The following NELL2 variants were observed in gnomAD, a reference collection of about 807,000 sequenced individuals.
The protein encoded by NELL2 is neural EGFL like 2.
NELL2 carries 41 observed loss-of-function variants against 109.6 expected under a neutral mutation model. The observed-to-expected ratio is 0.37, with a 90% CI of 0.29 to 0.49. The LOEUF (loss-of-function observed/expected upper bound fraction) is 0.49, where lower values mean the gene tolerates loss of function less well. NELL2 is among the 20% of genes least tolerant of loss of function. NELL2 has a pLI of 0.98. For synonymous variants in NELL2, 355 were observed against 344.7 expected, an observed-to-expected ratio of 1.03 and a Z score of -0.33; for missense variants, 900 against 1,008.3, an observed-to-expected ratio of 0.89 and a Z score of 1.45.
chr12:44,587,308 T>TG (rs1491354933), intron 15 of NELL2, among the ~76,000 whole-genome samples: 21 of 68,194 alleles, frequency 3.1e-4, no homozygotes, highest in Non-Finnish European at 5.2e-4. Context: ...TATATATATA[T>TG]TTTTTTTTAA....
chr12:44,610,402 A>G (rs1181542340), intron 14 of NELL2, among the ~76,000 whole-genome samples: 2 of 152,062 alleles, frequency 1.3e-5, no homozygotes, highest in African/African-American at 4.8e-5. Context: ...GGAGAGTGCT[A>G]AACTGGATGA....
intron 7 of NELL2, 102 bp from the exon 8 acceptor site, chr12:44,776,252 T>C: frequency 8.4e-7 from 1 of 1,194,776 alleles, no homozygotes; most frequent in Non-Finnish European, 1.2e-6. Flanking sequence ...GTAGCAATGA[T>C]GATGGCTGTG....
chr12:44,803,451 G>A (rs1566432189), intron 3 of NELL2, among the ~76,000 whole-genome samples: 3 of 152,092 alleles, frequency 2.0e-5, no homozygotes, highest in South Asian at 4.1e-4. Context: ...TAAAGGTGAT[G>A]AAGTGTCTTG....
At chr12:44,665,429 T>A (rs1390229821) in intron 13 of NELL2, 55 bp downstream of exon 13, 2 of 1,491,876 alleles carry the variant, frequency 1.3e-6, no homozygotes, top group Non-Finnish European at 1.8e-6. Flanking sequence ...AAGAAATTTT[T>A]AAAAGTAAAC....
intron 3 of NELL2, among the ~76,000 whole-genome samples, chr12:44,810,595 T>G (rs1478108016): frequency 6.6e-6 from 1 of 152,262 alleles, no homozygotes; most frequent in South Asian, 2.1e-4. Context: ...GAATAATTAC[T>G]CATACCATGG....
chr12:44,787,459 AT>A (rs1942221062), intron 3 of NELL2, among the ~76,000 whole-genome samples: 1 of 152,180 alleles, frequency 6.6e-6, no homozygotes, highest in African/African-American at 2.4e-5. Context: ...TTACATTAAA[AT>A]TTATATGGAA....
intron 12 of NELL2, among the ~76,000 whole-genome samples, chr12:44,700,165 T>G (rs1949184618): frequency 6.6e-6 from 1 of 152,132 alleles, no homozygotes; most frequent in Non-Finnish European, 1.5e-5. Flanking sequence ...TCTCTCCTCA[T>G]CATCTACTAC....
chr12:44,777,618 C>T (rs1266927850), intron 5 of NELL2, among the ~76,000 whole-genome samples: 2 of 152,200 alleles, frequency 1.3e-5, no homozygotes, highest in South Asian at 2.1e-4. Flanking sequence ...TAGCCACTGA[C>T]GGGCTTGAAA....
chr12:44,887,086 C>T (rs562357174), intron 1 of NELL2, among the ~76,000 whole-genome samples: 1 of 152,042 alleles, frequency 6.6e-6, no homozygotes, highest in Non-Finnish European at 1.5e-5. Flanking sequence ...CATGGGAGTG[C>T]GTATGCCTTT....
At chr12:44,837,354 T>C (rs761402695) in intron 2 of NELL2, among the ~76,000 whole-genome samples, 1 of 152,202 alleles carries the variant, frequency 6.6e-6, no homozygotes, top group Non-Finnish European at 1.5e-5. Context: ...GGGAACCTCA[T>C]CCCTAATCGT....
intron 13 of NELL2, 53 bp downstream of exon 13, chr12:44,665,431 A>G: frequency 6.7e-7 from 1 of 1,496,426 alleles, no homozygotes; most frequent in Non-Finnish European, 9.0e-7. Flanking sequence ...GAAATTTTTA[A>G]AAGTAAACTT....
At chr12:44,644,332 C>A (rs1306333070) in intron 13 of NELL2, among the ~76,000 whole-genome samples, 1 of 151,826 alleles carries the variant, frequency 6.6e-6, no homozygotes, top group Non-Finnish European at 1.5e-5. Flanking sequence ...TATAATAAAT[C>A]TGAGATAAAT....
At chr12:44,606,606 A>G (rs1254366293) in intron 15 of NELL2, among the ~76,000 whole-genome samples, 1 of 152,170 alleles carries the variant, frequency 6.6e-6, no homozygotes, top group African/African-American at 2.4e-5. Context: ...TATTGTTTTT[A>G]AAATAATTTT....
At chr12:44,714,135 T>G (rs569757313) in intron 10 of NELL2, among the ~76,000 whole-genome samples, 36 of 152,078 alleles carry the variant, frequency 2.4e-4, no homozygotes, top group Non-Finnish European at 4.0e-4. Context: ...TGAATCACAT[T>G]TGCTTCAGAA....
chr12:44,893,198 AC>A (rs1945555473), intron 1 of NELL2, among the ~76,000 whole-genome samples: 1 of 152,142 alleles, frequency 6.6e-6, no homozygotes, highest in South Asian at 2.1e-4. Context: ...CCTCTGGCAG[AC>A]CCAGGAATTT....
At chr12:44,732,581 G>A (rs1939425282) in intron 9 of NELL2, among the ~76,000 whole-genome samples, 1 of 151,864 alleles carries the variant, frequency 6.6e-6, no homozygotes, top group South Asian at 2.1e-4. Flanking sequence ...TTAAACATAA[G>A]TCCTGAAGCT....
chr12:44,745,370 A>G (rs1940277315), intron 9 of NELL2, among the ~76,000 whole-genome samples: 1 of 152,180 alleles, frequency 6.6e-6, no homozygotes, highest in Non-Finnish European at 1.5e-5. Flanking sequence ...AACTGGAAGC[A>G]TTCCCTTTGA....
Position 44,610,982 on chromosome 12 carries a change from A to C in NELL2, c.1445-12T>G. 1 of 1,610,660 alleles carries C rather than the reference A, an allele frequency of 6.2e-7. No individual in the cohort carries two copies. Among genetic ancestry groups the C allele is most frequent in the Non-Finnish European group, 8.5e-7 (1 of 1,177,598 alleles). ...ACACTCATCATGTTCTGAAATGAGG[A>C]ATACAATTTTGTTACTCAAAGTTAT... On this transcript the variant is annotated splice_polypyrimidine_tract_variant and intron_variant, in intron 13 of 19. Coordinates refer to ENST00000429094, the MANE Select transcript of NELL2 (RefSeq NM_001145108.2).
intron 15 of NELL2, among the ~76,000 whole-genome samples, chr12:44,552,766 T>C (rs545986995): frequency 6.6e-5 from 10 of 152,216 alleles, no homozygotes; most frequent in Admixed American, 6.5e-4. Flanking sequence ...AAGCCCCACA[T>C]TAATAATAGC....
Sources: allele counts gnomAD v4.1 joint callset (sites outside exome capture counted in the v4.1 genomes callset), GRCh38; gene constraint gnomAD v4.1.1; transcripts MANE v1.5; gene names NCBI Gene and HGNC (gene_info 2026-07-23, HGNC 2026-07-21).